The following PPP6R2 variants were observed in gnomAD, a reference collection of about 807,000 sequenced individuals.
The protein encoded by PPP6R2 is serine/threonine-protein phosphatase 6 regulatory subunit 2.
PPP6R2 carries 62 observed loss-of-function variants against 100.2 expected under a neutral mutation model. The ratio of observed to expected loss-of-function variants is 0.62; its 90% CI spans 0.50 to 0.76. The LOEUF (loss-of-function observed/expected upper bound fraction) is 0.76, where lower values mean the gene tolerates loss of function less well. Among genes scored for constraint, PPP6R2 ranks in the 30% least tolerant of loss-of-function variants. The probability of loss-of-function intolerance (pLI) is 0.00; values close to 1 mark genes in which losing one functional copy is unlikely to be tolerated. For synonymous variants in PPP6R2, 525 were observed against 514.7 expected, an observed-to-expected ratio of 1.02 and a Z score of -0.27; for missense variants, 1,142 against 1,276.3, an observed-to-expected ratio of 0.89 and a Z score of 1.60.
chr22:50,394,275 A>G (rs780231217), intron 3 of PPP6R2, 140 bp downstream of exon 3: 1 of 1,327,120 alleles, frequency 7.5e-7, no homozygotes, highest in Admixed American at 2.3e-5. Flanking sequence ...AGAAGTGAGG[A>G]GGGCACTCCC....
intron 2 of PPP6R2, among the ~76,000 whole-genome samples, chr22:50,380,735 A>G (rs113578696): frequency 0.013 from 2,012 of 149,054 alleles, 16 homozygotes; most frequent in Non-Finnish European, 0.021. Flanking sequence ...CACGCCTGTA[A>G]TCCCAGCACT....
intron 22 of PPP6R2, chr22:50,443,140 A>T (rs1021973270): frequency 6.6e-6 from 1 of 152,146 alleles, no homozygotes; most frequent in African/African-American, 2.4e-5. Context: ...AGAGAGACTG[A>T]CTGTCGGCAA....
chr22:50,398,044 A>G (rs2148983514), intron 3 of PPP6R2, among the ~76,000 whole-genome samples: 1 of 152,350 alleles, frequency 6.6e-6, no homozygotes, highest in South Asian at 2.1e-4. Context: ...TGTATAAAAA[A>G]CATGAAAGTC....
intron 6 of PPP6R2, among the ~76,000 whole-genome samples, chr22:50,417,010 C>T (rs1438178258): frequency 1.3e-5 from 2 of 151,804 alleles, no homozygotes; most frequent in Admixed American, 6.6e-5. Context: ...CGTCTGTGAC[C>T]GAATAGCAAA....
intron 10 of PPP6R2, among the ~76,000 whole-genome samples, chr22:50,427,759 C>T (rs1006991579): frequency 1.5e-4 from 23 of 149,572 alleles, no homozygotes; most frequent in African/African-American, 4.7e-4. Context: ...GTCTCGCTGT[C>T]GCCCAGGCTG....
At chr22:50,356,162 C>G (rs2046523101) in intron 1 of PPP6R2, among the ~76,000 whole-genome samples, 1 of 151,246 alleles carries the variant, frequency 6.6e-6, no homozygotes. Context: ...GACGGGGTTT[C>G]ACCGTGTTAG....
chr22:50,396,089 G>C (rs999642399), intron 3 of PPP6R2, among the ~76,000 whole-genome samples: 2 of 151,232 alleles, frequency 1.3e-5, no homozygotes, highest in African/African-American at 4.9e-5. Flanking sequence ...CAGCTACTCC[G>C]GGAGGCTGAA....
intron 8 of PPP6R2, among the ~76,000 whole-genome samples, chr22:50,420,366 A>C (rs1337325093): frequency 1.3e-5 from 2 of 152,086 alleles, no homozygotes; most frequent in East Asian, 3.9e-4. Flanking sequence ...CTTTGCTGTG[A>C]CCCCACATCG....
At position 50,406,557 on chromosome 22, in the gene PPP6R2, G is replaced by T. The variant is rs12167579; in HGVS notation, c.228-132G>T. 8.7e-4 allele frequency: 702 copies of T among 806,878 alleles called. 1 individual carries two copies. The African/African-American group carries it at 9.4e-3, about 11-fold the overall frequency. 50.0% of individuals were successfully genotyped at this position (806,878 alleles called of 1,614,324 possible). A position where few individuals can be genotyped will look rare whatever the true frequency, so the allele number is the denominator to read the frequency against. ...GCTGGTCACAGGTAGTCACGTTTTT[G>T]TTCTGTTCTGAGGTCTGTAGTGTTT... is the stretch of plus-strand genomic sequence containing the variant. On this transcript the variant is annotated intron_variant, in intron 3 of 23. Coordinates refer to ENST00000612753, the MANE Select transcript of PPP6R2 (RefSeq NM_001242898.2).
At chr22:50,390,223 C>T (rs1444356714) in intron 2 of PPP6R2, among the ~76,000 whole-genome samples, 4 of 151,970 alleles carry the variant, frequency 2.6e-5, no homozygotes, top group Non-Finnish European at 5.9e-5. Flanking sequence ...AACTCCTGAC[C>T]TCAGGTGATC....
intron 1 of PPP6R2, among the ~76,000 whole-genome samples, chr22:50,362,556 G>C (rs1263149849): frequency 6.6e-6 from 1 of 152,154 alleles, no homozygotes; most frequent in Admixed American, 6.5e-5. Flanking sequence ...TGGTGGAAGG[G>C]CTCAAAGACA....
chr22:50,385,949 G>A (rs545517318), intron 2 of PPP6R2, among the ~76,000 whole-genome samples: 37 of 135,790 alleles, frequency 2.7e-4, no homozygotes, highest in Admixed American at 8.7e-4. Context: ...TCAGCCTCCC[G>A]AGTAGCTGGG....
chr22:50,364,078 G>T (rs2048294750), intron 1 of PPP6R2, among the ~76,000 whole-genome samples: 1 of 151,918 alleles, frequency 6.6e-6, no homozygotes. Context: ...TGTATTTTTA[G>T]TAGAGACGGG....
At chr22:50,375,641 C>G (rs1000723206) in intron 2 of PPP6R2, among the ~76,000 whole-genome samples, 30 of 152,078 alleles carry the variant, frequency 2.0e-4, no homozygotes, top group African/African-American at 7.2e-4. Context: ...GGAAAAAAAC[C>G]TGTTCCTGAG....
Position 50,382,434 on chromosome 22 carries a change from T to TA in PPP6R2, c.-17+10289dup, listed in dbSNP as rs1467295812. Among the ~76,000 whole-genome samples the TA allele has an allele frequency of 4.7e-5, 7 of 148,548 alleles. No individual in the cohort carries two copies. In the Admixed American group the frequency reaches 4.8e-4, roughly 10 times the overall value. ...TAACATGGTGAAACCCCGTCTCTAC[T>TA]AAAAATACAAAAACTAAGCCAGGCA... is the stretch of plus-strand genomic sequence containing the variant. On this transcript the variant is annotated intron_variant, in intron 2 of 23. Transcript: ENST00000612753.
intron 11 of PPP6R2, 36 bp from the exon 12 acceptor site, chr22:50,432,229 C>T (rs1169417911): frequency 6.5e-7 from 1 of 1,537,986 alleles, no homozygotes; most frequent in South Asian, 1.2e-5. Context: ...CGCCTTCAGA[C>T]CCTGACTCAC....
intron 1 of PPP6R2, among the ~76,000 whole-genome samples, chr22:50,365,402 G>A (rs917820257): frequency 2.6e-5 from 4 of 151,986 alleles, no homozygotes; most frequent in African/African-American, 9.7e-5. Flanking sequence ...ATTTAGGCTG[G>A]GCATAGTGGC....
intron 12 of PPP6R2, among the ~76,000 whole-genome samples, chr22:50,432,663 T>C (rs1384359865): frequency 1.3e-5 from 2 of 152,228 alleles, no homozygotes; most frequent in African/African-American, 4.8e-5. Context: ...GGGCCCTCCG[T>C]CAGCACTCGC....
At chr22:50,402,839 C>A (rs1313653173) in intron 3 of PPP6R2, among the ~76,000 whole-genome samples, 3 of 152,198 alleles carry the variant, frequency 2.0e-5, no homozygotes, top group Non-Finnish European at 2.9e-5. Flanking sequence ...AAAAGAAAAT[C>A]TTAGTCCCTC....
Sources: allele counts gnomAD v4.1 joint callset (sites outside exome capture counted in the v4.1 genomes callset), GRCh38; gene constraint gnomAD v4.1.1; transcripts MANE v1.5; gene names NCBI Gene and HGNC (gene_info 2026-07-23, HGNC 2026-07-21).